Variants in CGREF1 observed in about 807,000 individuals in gnomAD.
CGREF1 encodes the protein cell growth regulator with EF hand domain protein 1.
In CGREF1, 16 loss-of-function variants were observed where a neutral mutation model predicts 17.4. That is an observed-to-expected ratio of 0.92 (90% confidence interval 0.62 to 1.40). The LOEUF (loss-of-function observed/expected upper bound fraction) is 1.40, where lower values mean the gene tolerates loss of function less well. Among genes scored for constraint, CGREF1 ranks in the 40% most tolerant of loss-of-function variants. The pLI is 0.00. For missense variants in CGREF1, 296 were observed against 376.4 expected, an observed-to-expected ratio of 0.79 and a Z score of 1.77; for synonymous variants, 142 against 154.6, an observed-to-expected ratio of 0.92 and a Z score of 0.61.
intron 2 of CGREF1, among the ~76,000 whole-genome samples, 180 bp downstream of exon 2, chr2:27,104,107 T>C (rs1381294587): frequency 2.6e-5 from 4 of 152,188 alleles, no homozygotes; most frequent in African/African-American, 7.2e-5. Context: ...AAGCATGTAC[T>C]GAATGCCCAC....
intron 2 of CGREF1, 120 bp from the exon 3 acceptor site, chr2:27,102,711 A>G: frequency 8.7e-7 from 1 of 1,151,974 alleles, no homozygotes; most frequent in South Asian, 1.6e-5. Flanking sequence ...GTTGCCCCCA[A>G]AATTCCAAAA....
At chr2:27,118,454 C>T (rs1671670044) in intron 1 of CGREF1, among the ~76,000 whole-genome samples, 1 of 152,182 alleles carries the variant, frequency 6.6e-6, no homozygotes, top group African/African-American at 2.4e-5. Flanking sequence ...GCTGGTCCCT[C>T]GGCCACCTGC....
At chr2:27,116,519 T>G (rs1464055183) in intron 1 of CGREF1, among the ~76,000 whole-genome samples, 1 of 150,850 alleles carries the variant, frequency 6.6e-6, no homozygotes, top group Non-Finnish European at 1.5e-5. Flanking sequence ...AGAGCAAGAC[T>G]GTCTCAAAAA....
At chr2:27,107,995 TG>T (rs1204144326) in intron 1 of CGREF1, among the ~76,000 whole-genome samples, 1 of 150,330 alleles carries the variant, frequency 6.7e-6, no homozygotes, top group Non-Finnish European at 1.5e-5. Flanking sequence ...CAAGTAGATT[TG>T]AAGAGGAAAC....
intron 1 of CGREF1, 54 bp from the exon 2 acceptor site, chr2:27,104,431 T>C: frequency 1.3e-6 from 2 of 1,597,560 alleles, no homozygotes; most frequent in Non-Finnish European, 1.7e-6. Flanking sequence ...TGCCACCGTG[T>C]CACAGATGGG....
At chr2:27,099,901 A>C, downstream of CGREF1, 6 of 1,527,964 alleles carry the variant, frequency 3.9e-6, no homozygotes, top group Non-Finnish European at 5.3e-6. Flanking sequence ...TGTTCCCCAC[A>C]GGGAGAGGCT....
downstream of CGREF1, chr2:27,100,158 C>G (rs895908881): frequency 6.0e-6 from 3 of 497,414 alleles, no homozygotes; most frequent in African/African-American, 5.8e-5. Flanking sequence ...GGGGAGGACA[C>G]TCGGTGCCCC....
chr2:27,109,901 A>AAG, intron 1 of CGREF1, among the ~76,000 whole-genome samples: 1 of 136,234 alleles, frequency 7.3e-6, no homozygotes, highest in Non-Finnish European at 1.6e-5. Context: ...AAAAAAAAAA[A>AAG]AAAAAAAAAA....
chr2:27,116,576 T>C (rs1572906189), intron 1 of CGREF1, among the ~76,000 whole-genome samples: 1 of 121,114 alleles, frequency 8.3e-6, no homozygotes, highest in East Asian at 2.0e-4. Context: ...TCAGTATAAT[T>C]TTTTTTTTTT....
chr2:27,099,582 G>C (rs7578864), downstream of CGREF1: 749 of 1,614,146 alleles, frequency 4.6e-4, 3 homozygotes, highest in African/African-American at 8.9e-3. Context: ...CCCAGGGTGA[G>C]TATGGCAGCA....
rs770333725 is a variant in CGREF1, at chr2:27,101,861, C to G, written c.370G>C (p.Glu124Gln). The G allele has an allele frequency of 5.0e-6, 8 of 1,613,200 alleles. No homozygotes were observed. The Admixed American group carries it at 6.7e-5, about 13-fold the overall frequency. ...PVILIVDKVL[E>Q]TQDLNGDGLM... ...CCATCCCCATTCAGGTCCTGGGTCT[C>G]GAGCACTTTGTCCACTATCAAGATC... Residue 124 changes from glutamate (E) to glutamine (Q), a missense_variant, in exon 6 of 6, where the codon GAG becomes CAG. Physicochemically the swap from Glu to Gln is conservative, Grantham distance 29. This residue lies in a region of CGREF1 where 247 missense variants were observed against 267.2 expected (regional missense o/e 0.92). Coordinates refer to ENST00000402394, the MANE Select transcript of CGREF1 (RefSeq NM_006569.6).
intron 1 of CGREF1, chr2:27,104,654 T>C (rs1056816481): frequency 1.2e-5 from 19 of 1,550,416 alleles, no homozygotes; most frequent in Non-Finnish European, 1.7e-5. Flanking sequence ...CCACGCCCCA[T>C]TCCCTTGCTC....
At chr2:27,099,880 C>T (rs188687459), downstream of CGREF1, 438 of 1,544,750 alleles carry the variant, frequency 2.8e-4, 1 homozygote, top group African/African-American at 5.3e-3. Flanking sequence ...GAGGACTCTG[C>T]CTGTGTCCTG....
intron 1 of CGREF1, among the ~76,000 whole-genome samples, chr2:27,113,766 C>G (rs2148397870): frequency 6.6e-6 from 1 of 152,240 alleles, no homozygotes; most frequent in African/African-American, 2.4e-5. Context: ...AGTGCAGTGC[C>G]TGATCTACAA....
At chr2:27,099,642 C>G (rs770159249), downstream of CGREF1, 5 of 1,614,142 alleles carry the variant, frequency 3.1e-6, no homozygotes, top group Non-Finnish European at 4.2e-6. Flanking sequence ...CCTGGCTGAC[C>G]TAGCTACTTG....
intron 2 of CGREF1, among the ~76,000 whole-genome samples, chr2:27,103,380 C>CTT (rs3072688): frequency 0.47 from 70,502 of 150,826 alleles, 17,055 homozygotes; most frequent in Admixed American, 0.61. Context: ...ACCATAAGGT[C>CTT]TTTTTTTTTC....
rs1163331191 is a variant in CGREF1 at position 27,102,736 on chromosome 2, A to G, written c.81-145T>C. On this transcript the variant is annotated intron_variant, in intron 2 of 5. Transcript: ENST00000402394. ...AAATTCCAAAAACCCTGTAGTGGGG[A>G]GGCTCTTCTGGTCTCCTTGGAACCA... is the stretch of plus-strand genomic sequence containing the variant. 3 of 994,688 alleles carry G rather than the reference A, an allele frequency of 3.0e-6. No homozygotes were observed. In the African/African-American group the frequency reaches 4.9e-5, roughly 16 times the overall value. The allele number at this position is 994,688 out of a possible 1,614,324, so 61.6% of individuals were successfully genotyped here. A position where few individuals can be genotyped will look rare whatever the true frequency, so the allele number is the denominator to read the frequency against.
intron 1 of CGREF1, among the ~76,000 whole-genome samples, chr2:27,109,942 A>C (rs965595322): frequency 1.3e-4 from 20 of 151,782 alleles, no homozygotes; most frequent in Non-Finnish European, 2.9e-5. Context: ...TAACCATTAA[A>C]AAATTAGAAC....
At chr2:27,115,671 G>A (rs373667330) in intron 1 of CGREF1, among the ~76,000 whole-genome samples, 3 of 152,088 alleles carry the variant, frequency 2.0e-5, no homozygotes, top group Non-Finnish European at 2.9e-5. Flanking sequence ...TCCCTATTTC[G>A]ATTACAGTCC....
Sources: gnomAD v4.1 joint callset for allele counts (sites outside exome capture counted in the v4.1 genomes callset) on GRCh38, gnomAD v4.1.1 for gene constraint, gnomAD v4.1.1 regional missense constraint, MANE v1.5 for transcripts, NCBI Gene and HGNC (gene_info 2026-07-23, HGNC 2026-07-21) for gene names.